The following GPATCH2 variants were observed in gnomAD, a reference collection of about 807,000 sequenced individuals.
GPATCH2 encodes the protein G patch domain-containing protein 2.
In GPATCH2, 51 loss-of-function variants were observed where a neutral mutation model predicts 58.0. That is an observed-to-expected ratio of 0.88 (90% CI 0.70 to 1.11). The LOEUF (loss-of-function observed/expected upper bound fraction) is 1.11, where lower values mean the gene tolerates loss of function less well. GPATCH2 is among the 50% of genes most tolerant of loss of function. The pLI is 0.00. For missense variants in GPATCH2, 625 were observed against 652.2 expected, an observed-to-expected ratio of 0.96 and a Z score of 0.45; for synonymous variants, 222 against 218.5, an observed-to-expected ratio of 1.02 and a Z score of -0.14.
intron 5 of GPATCH2, among the ~76,000 whole-genome samples, chr1:217,547,974 G>A (rs1182568767): frequency 3.3e-5 from 5 of 152,114 alleles, no homozygotes; most frequent in Admixed American, 1.3e-4. Flanking sequence ...CTCCTCCATG[G>A]TAAAACGTGC....
chr1:217,457,154 G>A (rs1659981448), intron 8 of GPATCH2, among the ~76,000 whole-genome samples: 1 of 152,176 alleles, frequency 6.6e-6, no homozygotes, highest in African/African-American at 2.4e-5. Context: ...TTTTCACACT[G>A]GGGCAGCTGT....
intron 1 of GPATCH2, among the ~76,000 whole-genome samples, chr1:217,626,850 A>G (rs1378397049): frequency 6.6e-6 from 1 of 152,130 alleles, no homozygotes; most frequent in African/African-American, 2.4e-5. Context: ...TTATTAATCA[A>G]AAGTAAATTT....
intron 9 of GPATCH2, among the ~76,000 whole-genome samples, chr1:217,436,390 GA>G (rs1451463752): frequency 1.4e-4 from 22 of 152,146 alleles, no homozygotes; most frequent in African/African-American, 5.1e-4. Flanking sequence ...GGTCCTCAGA[GA>G]GTTGAAGTAA....
chr1:217,463,068 A>G (rs140980393), intron 8 of GPATCH2, among the ~76,000 whole-genome samples: 1 of 152,342 alleles, frequency 6.6e-6, no homozygotes, highest in East Asian at 1.9e-4. Flanking sequence ...AAATAAACTG[A>G]ATATGGCATA....
At chr1:217,541,516 C>T (rs1238421017) in intron 5 of GPATCH2, among the ~76,000 whole-genome samples, 1 of 152,030 alleles carries the variant, frequency 6.6e-6, no homozygotes, top group African/African-American at 2.4e-5. Flanking sequence ...AGGGGTCTGA[C>T]AAGTAGAGTC....
chr1:217,511,071 T>C (rs1662826576), intron 6 of GPATCH2, among the ~76,000 whole-genome samples: 1 of 152,134 alleles, frequency 6.6e-6, no homozygotes, highest in East Asian at 1.9e-4. Flanking sequence ...CACTCCAGCC[T>C]GGGTGACAGA....
chr1:217,621,792 C>T (rs1011659906), intron 1 of GPATCH2, among the ~76,000 whole-genome samples: 2 of 152,220 alleles, frequency 1.3e-5, no homozygotes, highest in African/African-American at 2.4e-5. Flanking sequence ...AAAAACAACA[C>T]ACATTGTGAT....
chr1:217,532,888 T>C (rs1664265083), intron 5 of GPATCH2, among the ~76,000 whole-genome samples: 1 of 32,178 alleles, frequency 3.1e-5, no homozygotes, highest in Non-Finnish European at 6.4e-5. Context: ...TTTTTTTTGT[T>C]TTTTTTTTTT....
chr1:217,528,352 A>C (rs1161074807), intron 5 of GPATCH2, among the ~76,000 whole-genome samples: 2 of 152,152 alleles, frequency 1.3e-5, no homozygotes, highest in Non-Finnish European at 2.9e-5. Context: ...AAATTTCCAT[A>C]TTTTTGCCTT....
chr1:217,628,651 C>CT (rs534812821), intron 1 of GPATCH2, among the ~76,000 whole-genome samples: 19 of 146,070 alleles, frequency 1.3e-4, no homozygotes, highest in Admixed American at 2.1e-4. Flanking sequence ...ATTTTAATGG[C>CT]TTTTTTTTAA....
chr1:217,481,723 A>G (rs2810783), intron 8 of GPATCH2, among the ~76,000 whole-genome samples: 86,687 of 151,862 alleles, frequency 0.57, 25,528 homozygotes, highest in African/African-American at 0.68. Context: ...GAGGCATGGT[A>G]GTGGATGCCT....
At chr1:217,449,395 C>A in intron 8 of GPATCH2, 58 bp from the exon 9 acceptor site, 1 of 993,110 alleles carries the variant, frequency 1.0e-6, no homozygotes. Context: ...CACATAAATA[C>A]ACAGCTTGTA....
rs1658468031 is a variant in GPATCH2 at position 217,430,173 on chromosome 1, T to C, written c.*972A>G. The C allele has an allele frequency of 7.2e-6, 1 of 138,718 alleles. No individual in the cohort carries two copies. Among genetic ancestry groups the C allele is most frequent in the Non-Finnish European group, 1.6e-5 (1 of 62,470 alleles). 8.6% of individuals were successfully genotyped at this position (138,718 alleles called of 1,614,324 possible). ...GCAAATCAGTACCATTTACTTCTTT[T>C]GTTCACCTTCTAAATGGGTTGGGTC... is the stretch of plus-strand genomic sequence containing the variant. On this transcript the variant is annotated 3_prime_UTR_variant, in exon 10 of 10. Transcript: ENST00000366935.
chr1:217,515,207 T>C (rs1030472043), intron 5 of GPATCH2, among the ~76,000 whole-genome samples: 1 of 151,736 alleles, frequency 6.6e-6, no homozygotes, highest in African/African-American at 2.4e-5. Context: ...GCCATTCTCC[T>C]GTCTCAGCCT....
chr1:217,619,868 A>T lies in GPATCH2; in HGVS notation c.688T>A (p.Leu230Ile), dbSNP rs1483177785. The T allele has an allele frequency of 6.2e-7, 1 of 1,613,712 alleles. No homozygotes were observed. The highest frequency in any genetic ancestry group is 8.5e-7 in the Non-Finnish European group (1 of 1,179,902). The change falls in exon 2 of 10, where the codon TTA becomes ATA. Residue 230 changes from leucine (L) to isoleucine (I), a missense_variant. Leu to Ile is a conservative substitution (Grantham distance 5). Transcript: ENST00000366935. ...GPKIQDEGVV[L>I]ESEETNQTNK... ...GTCTGGTTCGTTTCCTCACTTTCTAAAACTACTCCTTCATCTTGGATTTTT... is the reference window on the plus strand; with the variant it reads ...GTCTGGTTCGTTTCCTCACTTTCTATAACTACTCCTTCATCTTGGATTTTT...
intron 5 of GPATCH2, among the ~76,000 whole-genome samples, chr1:217,563,460 G>GA (rs1329607918): frequency 1.3e-5 from 2 of 151,980 alleles, no homozygotes; most frequent in Non-Finnish European, 2.9e-5. Context: ...TAGTGAGACA[G>GA]AAAAAACCTA....
At chr1:217,549,994 A>T (rs1665268028) in intron 5 of GPATCH2, among the ~76,000 whole-genome samples, 2 of 152,166 alleles carry the variant, frequency 1.3e-5, no homozygotes, top group Non-Finnish European at 2.9e-5. Context: ...GAACTCTGTA[A>T]GGAATAACTG....
intron 6 of GPATCH2, among the ~76,000 whole-genome samples, chr1:217,500,882 C>T (rs1195815852): frequency 6.6e-6 from 1 of 151,902 alleles, no homozygotes; most frequent in Admixed American, 6.6e-5. Context: ...TCAATCTTTA[C>T]AAGAAATATT....
chr1:217,491,733 ATC>A lies in GPATCH2; in HGVS notation c.1222_1223del (p.Asp408Ter). ...TCTTGTGTCCTCTTTCAGCTCGATT[ATC>A]TCTCAGAAGCTGATGCTACACAAAG... ...TEHDQHQLLRDNRAERGHKKN... is the reference protein window; with the variant it reads ...TEHDQHQLLRXNRAERGHKKN... On this transcript the variant is annotated frameshift_variant, in exon 8 of 10. Coordinates refer to ENST00000366935, the MANE Select transcript of GPATCH2 (RefSeq NM_018040.5). LOFTEE classifies it high-confidence loss of function. 1.4e-6 allele frequency: 2 copies of A among 1,446,254 alleles called. No homozygotes were observed. The highest frequency in any genetic ancestry group is 1.9e-6 in the Non-Finnish European group (2 of 1,039,462). 89.6% of individuals were successfully genotyped at this position (1,446,254 alleles called of 1,614,324 possible).
Sources: allele counts gnomAD v4.1 joint callset (sites outside exome capture counted in the v4.1 genomes callset), GRCh38; gene constraint gnomAD v4.1.1; transcripts MANE v1.5; gene names NCBI Gene and HGNC (gene_info 2026-07-23, HGNC 2026-07-21).